Variants in ARHGAP29 observed in about 807,000 individuals in gnomAD.
ARHGAP29 encodes Rho GTPase activating protein 29, also known as rho GTPase-activating protein 29.
ARHGAP29 carries 43 observed loss-of-function variants against 122.6 expected under a neutral mutation model. The observed-to-expected ratio is 0.35, with a 90% CI of 0.27 to 0.45. The LOEUF is 0.45. ARHGAP29 is among the 20% of genes least tolerant of loss of function. ARHGAP29 has a pLI of 1.00. For missense variants in ARHGAP29, 1,303 were observed against 1,477.2 expected (o/e 0.88, Z 1.93); for synonymous variants, 506 against 497.1 (o/e 1.02, Z -0.24).
At chr1:94,273,232 C>A (rs1655058526) in intron 1 of ARHGAP29, among the ~76,000 whole-genome samples, 1 of 152,188 alleles carries the variant, frequency 6.6e-6, no homozygotes, top group Admixed American at 6.5e-5. Flanking sequence ...CATTTAAGCT[C>A]CATGATCAGA....
chr1:94,312,164 A>G, the ARHGAP29 span, among the ~76,000 whole-genome samples: 1 of 151,508 alleles, frequency 6.6e-6, no homozygotes, highest in Non-Finnish European at 1.5e-5. Context: ...CTCTTCCTTC[A>G]TTTTCTCTTG....
chr1:94,172,691 AAC>A lies in ARHGAP29; in HGVS notation c.*1176_*1177del, dbSNP rs557878920. 1.6e-4 allele frequency: 25 copies of A among 152,206 alleles called. No individual in the cohort carries two copies. In the South Asian group the frequency reaches 3.1e-3, roughly 19 times the overall value. The allele number at this position is 152,206 out of a possible 1,614,324, so 9.4% of individuals were successfully genotyped here. A position where few individuals can be genotyped will look rare whatever the true frequency, so the allele number is the denominator to read the frequency against. On this transcript the variant is annotated 3_prime_UTR_variant, in exon 23 of 23. Transcript: ENST00000260526. ...AGTAGAAATATAATTCACACATAAAAACAGTCTACTTATTTTTTGTCCCTTTT... is the reference window on the plus strand; with the variant it reads ...AGTAGAAATATAATTCACACATAAAAAGTCTACTTATTTTTTGTCCCTTTT...
At chr1:94,227,983 A>G (rs992905709) in intron 2 of ARHGAP29, among the ~76,000 whole-genome samples, 1 of 151,798 alleles carries the variant, frequency 6.6e-6, no homozygotes. Flanking sequence ...TGCTACTTGT[A>G]TAAGACTACA....
chr1:94,287,304 A>G, the ARHGAP29 span, among the ~76,000 whole-genome samples: 1 of 152,082 alleles, frequency 6.6e-6, no homozygotes, highest in Non-Finnish European at 1.5e-5. Context: ...GGTTTCCCCC[A>G]TTGTGTTCTC....
At chr1:94,201,449 C>T (rs1040151480) in intron 12 of ARHGAP29, among the ~76,000 whole-genome samples, 2 of 151,564 alleles carry the variant, frequency 1.3e-5, no homozygotes, top group Non-Finnish European at 2.9e-5. Context: ...TTTCTTTTCC[C>T]TCCCTCCCTT....
At chr1:94,214,267 T>C (rs986798698) in intron 3 of ARHGAP29, among the ~76,000 whole-genome samples, 3 of 152,194 alleles carry the variant, frequency 2.0e-5, no homozygotes, top group South Asian at 2.1e-4. Context: ...TGTTCCTCTG[T>C]TCAATATCTA....
At chr1:94,248,810 C>T (rs1420088312) in intron 1 of ARHGAP29, among the ~76,000 whole-genome samples, 1 of 152,228 alleles carries the variant, frequency 6.6e-6, no homozygotes, top group African/African-American at 2.4e-5. Context: ...TAAAGGAATA[C>T]TCCCATCTCA....
chr1:94,232,494 G>A (rs1238858247), intron 1 of ARHGAP29, among the ~76,000 whole-genome samples: 2 of 152,092 alleles, frequency 1.3e-5, no homozygotes, highest in Non-Finnish European at 2.9e-5. Context: ...GTGATCATCA[G>A]AGCAATATTT....
At chr1:94,189,466 A>T in intron 13 of ARHGAP29, 114 bp from the exon 14 acceptor site, 1 of 1,266,200 alleles carries the variant, frequency 7.9e-7, no homozygotes. Flanking sequence ...AGAAGAATTA[A>T]ACTAAATATT....
At chr1:94,214,509 T>G (rs1488851251) in intron 3 of ARHGAP29, among the ~76,000 whole-genome samples, 2 of 152,256 alleles carry the variant, frequency 1.3e-5, no homozygotes, top group Non-Finnish European at 2.9e-5. Flanking sequence ...CATACAATCC[T>G]TAGCTCATTA....
intron 1 of ARHGAP29, among the ~76,000 whole-genome samples, chr1:94,264,273 C>T (rs927861585): frequency 1.7e-4 from 26 of 152,154 alleles, no homozygotes; most frequent in African/African-American, 5.8e-4. Context: ...TGGTTCCTCT[C>T]TGAGTCTTTC....
chr1:94,195,391 C>T (rs1430423676), intron 12 of ARHGAP29: 1 of 152,122 alleles, frequency 6.6e-6, no homozygotes, highest in Non-Finnish European at 1.5e-5. Flanking sequence ...TTTTTTCCTT[C>T]ACAATGTTTT....
At position 94,208,857 on chromosome 1, in the gene ARHGAP29, C is replaced by A; in HGVS notation, c.485G>T (p.Arg162Leu). ...CTTAGTTTCTCGAGAAACAGGCAGT[C>A]GCAATAATGAATCATTGCCTACATC... is the stretch of plus-strand genomic sequence containing the variant. ...MGDVGNDSLL[R>L]LPVSRETKSF... is the part of the protein sequence containing the mutation. The change falls in exon 5 of 23, where the codon CGA becomes CTA. Residue 162 changes from arginine to leucine, a missense_variant. Transcript: ENST00000260526. 1.2e-6 allele frequency: 2 copies of A among 1,613,754 alleles called. No individual in the cohort carries two copies. Among genetic ancestry groups the A allele is most frequent in the South Asian group, 1.1e-5 (1 of 91,012 alleles).
chr1:94,191,713 C>G (rs1171031694), intron 12 of ARHGAP29: 1 of 152,124 alleles, frequency 6.6e-6, no homozygotes, highest in Non-Finnish European at 1.5e-5. Flanking sequence ...AATGAATCAC[C>G]TTGGGGATCT....
intron 1 of ARHGAP29, among the ~76,000 whole-genome samples, chr1:94,233,114 A>G (rs1465303753): frequency 6.7e-6 from 1 of 150,122 alleles, no homozygotes; most frequent in Admixed American, 6.7e-5. Context: ...CTAGCTAGCT[A>G]AAAAAAAAAT....
intron 19 of ARHGAP29, 140 bp downstream of exon 19, chr1:94,184,011 C>A (rs1649637497): frequency 1.2e-6 from 1 of 853,840 alleles, no homozygotes; most frequent in Admixed American, 2.7e-5. Context: ...ATACTCTGAC[C>A]TATGCACTAA....
the ARHGAP29 span, among the ~76,000 whole-genome samples, chr1:94,299,686 G>GGAGCC: frequency 1.3e-5 from 2 of 152,108 alleles, no homozygotes; most frequent in Non-Finnish European, 2.9e-5. Context: ...TTCCACTGTG[G>GGAGCC]GAGCCTGGAG....
At chr1:94,186,464 G>A (rs1649808154) in intron 16 of ARHGAP29, 35 bp downstream of exon 16, 1 of 1,442,528 alleles carries the variant, frequency 6.9e-7, no homozygotes, top group East Asian at 2.3e-5. Flanking sequence ...TGATTGAGCT[G>A]GTTTAGTGGG....
Position 94,202,608 on chromosome 1 carries a change from A to G in ARHGAP29, c.1079T>C (p.Leu360Ser). Residue 360 changes from leucine (L) to serine (S), a missense_variant, in exon 11 of 23, where the codon TTA (leucine) becomes TCA (serine). Transcript: ENST00000260526. ...TAGTTGCTTGTTGAGATTTTTTGCTAATCCGCCACTTGAAGACAGATGCTC... is the reference window on the plus strand; with the variant it reads ...TAGTTGCTTGTTGAGATTTTTTGCTGATCCGCCACTTGAAGACAGATGCTC... ...EEEHLSSSGG[L>S]AKNLNKQLEK... 1 of 1,614,210 alleles carries G rather than the reference A, an allele frequency of 6.2e-7. No individual in the cohort carries two copies. Among genetic ancestry groups the G allele is most frequent in the South Asian group, 1.1e-5 (1 of 91,080 alleles).
Sources: gnomAD v4.1 joint callset for allele counts (sites outside exome capture counted in the v4.1 genomes callset) on GRCh38, gnomAD v4.1.1 for gene constraint, MANE v1.5 for transcripts, NCBI Gene and HGNC (gene_info 2026-07-23, HGNC 2026-07-21) for gene names.